Variants in ERG observed in about 807,000 individuals in gnomAD.
The protein encoded by ERG is ETS transcription factor ERG, also known as transcriptional regulator ERG.
A neutral mutation model predicts 55.3 loss-of-function variants in ERG; 9 were observed. The ratio of observed to expected loss-of-function variants is 0.16; its 90% CI spans 0.10 to 0.28. The LOEUF is 0.28. Ranked by LOEUF, ERG falls within the 10% of genes least tolerant of loss-of-function variation. The probability of loss-of-function intolerance (pLI) is 1.00; values close to 1 mark genes in which losing one functional copy is unlikely to be tolerated. For missense variants in ERG, 434 were observed against 631.6 expected (o/e 0.69, Z 3.35); for synonymous variants, 223 against 237.3 (o/e 0.94, Z 0.55).
At chr21:38,457,618 G>A (rs2059002700) in intron 1 of ERG, among the ~76,000 whole-genome samples, 1 of 152,160 alleles carries the variant, frequency 6.6e-6, no homozygotes, top group Non-Finnish European at 1.5e-5. Context: ...CATCCTTGTG[G>A]AGGAAGTGAG....
intron 1 of ERG, among the ~76,000 whole-genome samples, chr21:38,615,596 G>A (rs1029808898): frequency 6.6e-6 from 1 of 150,676 alleles, no homozygotes; most frequent in African/African-American, 2.5e-5. Flanking sequence ...CATCTCAGAG[G>A]TAGCTATAAA....
At chr21:38,527,999 G>A (rs1242261101) in intron 2 of ERG, among the ~76,000 whole-genome samples, 1 of 152,202 alleles carries the variant, frequency 6.6e-6, no homozygotes, top group Non-Finnish European at 1.5e-5. Flanking sequence ...CAAGATCAAG[G>A]TGTCAGCAGG....
chr21:38,617,360 G>T (rs1369341343), intron 1 of ERG, among the ~76,000 whole-genome samples: 1 of 152,164 alleles, frequency 6.6e-6, no homozygotes, highest in African/African-American at 2.4e-5. Flanking sequence ...CTTCCAGGAG[G>T]ATCCTGAAAT....
At chr21:38,592,959 ATG>A (rs1469946831) in intron 1 of ERG, among the ~76,000 whole-genome samples, 1 of 152,080 alleles carries the variant, frequency 6.6e-6, no homozygotes, top group African/African-American at 2.4e-5. Flanking sequence ...CCCATTTTTT[ATG>A]TGTGTGTCAG....
intron 1 of ERG, among the ~76,000 whole-genome samples, chr21:38,490,723 A>G (rs2059328198): frequency 6.6e-6 from 1 of 152,256 alleles, no homozygotes. Flanking sequence ...AGCTAGGGCC[A>G]GGAGAGGTGC....
At chr21:38,581,997 C>G (rs1269785438) in intron 1 of ERG, among the ~76,000 whole-genome samples, 1 of 140,724 alleles carries the variant, frequency 7.1e-6, no homozygotes, top group Admixed American at 7.6e-5. Flanking sequence ...GAGCCGAGAT[C>G]GTGCCACTGC....
intron 1 of ERG, among the ~76,000 whole-genome samples, chr21:38,603,778 A>G (rs2836561): frequency 0.072 from 10,939 of 152,096 alleles, 789 homozygotes; most frequent in African/African-American, 0.18. Flanking sequence ...CAGTACTCTT[A>G]GGCGAAATTA....
chr21:38,498,273 A>C lies in ERG; in HGVS notation c.18+90T>G. The C allele has an allele frequency of 1.7e-6, 2 of 1,169,774 alleles. No individual in the cohort carries two copies. Among genetic ancestry groups the C allele is most frequent in the Non-Finnish European group, 2.5e-6 (2 of 786,624 alleles). The allele number at this position is 1,169,774 out of a possible 1,614,324, so 72.5% of individuals were successfully genotyped here. The stretch of plus-strand genomic sequence containing the variant: ...TATTGTGGCAGTGGGGGTGTTGCCC[A>C]ACCCTAACTTATCTGCCTTGATAAA... On this transcript the variant is annotated intron_variant, in intron 1 of 9. Coordinates refer to ENST00000288319, the MANE Select transcript of ERG (RefSeq NM_182918.4). This position sits in a 1 kb window ranked among gnomAD's most constrained non-coding sequence, Gnocchi z 4.6.
chr21:38,579,037 T>C (rs1473891164), intron 1 of ERG, among the ~76,000 whole-genome samples: 2 of 152,086 alleles, frequency 1.3e-5, no homozygotes, highest in East Asian at 3.9e-4. Context: ...GCCCTCAAAA[T>C]GGGTTTGGAA....
Position 38,445,498 on chromosome 21 carries a change from T to A in ERG, c.142A>T (p.Ser48Cys). ...SSDYGQTSKM[S>C]PRVPQQDWLS... ...CAATCCTGCTGAGGGACGCGTGGGC[T>A]CATCTTGGAAGTCTGTCCATAGTCG... The change falls in exon 2 of 10, where the codon AGC becomes TGC. Residue 48 changes from serine to cysteine, a missense_variant. This residue lies in a region of ERG where 212 missense variants were observed against 262.9 expected (regional missense o/e 0.81). Transcript: ENST00000288319. 6.2e-7 allele frequency: 1 copy of A among 1,614,158 alleles called. No homozygotes were observed. Among genetic ancestry groups the A allele is most frequent in the Non-Finnish European group, 8.5e-7 (1 of 1,180,030 alleles).
chr21:38,370,872 G>A, the ERG span, among the ~76,000 whole-genome samples: 3 of 151,520 alleles, frequency 2.0e-5, no homozygotes, highest in Non-Finnish European at 4.4e-5. Context: ...CATGTGCTGT[G>A]CTTTCAAGCA....
intron 2 of ERG, among the ~76,000 whole-genome samples, chr21:38,568,480 G>C (rs746916171): frequency 2.0e-5 from 3 of 152,136 alleles, no homozygotes; most frequent in Non-Finnish European, 4.4e-5. Flanking sequence ...TTCACACTGA[G>C]ATCATCTGGC....
At chr21:38,509,886 A>C (rs1412660100) in intron 2 of ERG, among the ~76,000 whole-genome samples, 6 of 152,308 alleles carry the variant, frequency 3.9e-5, no homozygotes, top group Non-Finnish European at 8.8e-5. Context: ...AGCTCCTAGA[A>C]ATCAGAGGCT....
At chr21:38,474,666 G>A (rs935320157) in intron 1 of ERG, among the ~76,000 whole-genome samples, 1 of 152,080 alleles carries the variant, frequency 6.6e-6, no homozygotes, top group Non-Finnish European at 1.5e-5. Flanking sequence ...ACTCCTACCT[G>A]TATGGAAGGT....
At chr21:38,609,337 T>C (rs1418497302) in intron 1 of ERG, among the ~76,000 whole-genome samples, 2 of 152,076 alleles carry the variant, frequency 1.3e-5, no homozygotes, top group African/African-American at 4.8e-5. Context: ...TGTGGAAGAT[T>C]TCTAAAAACG....
chr21:38,547,187 C>A (rs2059793074), intron 2 of ERG, among the ~76,000 whole-genome samples: 2 of 152,304 alleles, frequency 1.3e-5, no homozygotes, highest in Middle Eastern at 3.4e-3. Context: ...CATGAAAAGT[C>A]ATGGATTTTT....
At chr21:38,403,010 C>T (rs1988580557) in intron 4 of ERG, among the ~76,000 whole-genome samples, 1 of 152,156 alleles carries the variant, frequency 6.6e-6, no homozygotes, top group Admixed American at 6.5e-5. Context: ...ACATGCCATC[C>T]CTTTCTGTCA....
intron 1 of ERG, among the ~76,000 whole-genome samples, chr21:38,634,657 C>G (rs1233818369): frequency 2.6e-5 from 4 of 152,200 alleles, no homozygotes; most frequent in African/African-American, 9.7e-5. Context: ...GTTGCCTGCA[C>G]GAAGACCCAA....
intron 1 of ERG, among the ~76,000 whole-genome samples, chr21:38,592,661 T>A (rs2060108187): frequency 6.6e-6 from 1 of 151,930 alleles, no homozygotes; most frequent in South Asian, 2.1e-4. Context: ...TAGAACTCAG[T>A]AAGGCAATCC....
Sources: gnomAD v4.1 joint callset for allele counts (sites outside exome capture counted in the v4.1 genomes callset) on GRCh38, gnomAD v4.1.1 for gene constraint, gnomAD v4.1.1 regional missense constraint, Gnocchi (gnomAD v3.1) non-coding constraint, MANE v1.5 for transcripts, NCBI Gene and HGNC (gene_info 2026-07-23, HGNC 2026-07-21) for gene names.